DDX19A: variants seen among roughly 807,000 people sequenced by gnomAD.
The protein encoded by DDX19A is ATP-dependent RNA helicase DDX19A.
DDX19A carries 12 observed loss-of-function variants against 60.6 expected under a neutral mutation model. That is an observed-to-expected ratio of 0.20 (90% CI 0.13 to 0.32). DDX19A has a LOEUF of 0.32. Among genes scored for constraint, DDX19A ranks in the 10% least tolerant of loss-of-function variants. DDX19A has a pLI of 1.00. For synonymous variants in DDX19A, 206 were observed against 218.2 expected (o/e 0.94, Z 0.49); for missense variants, 337 against 600.6 (o/e 0.56, Z 4.59).
chr16:70,364,520 A>G lies in DDX19A; in HGVS notation c.387-23A>G, dbSNP rs1382201770. On this transcript the variant is annotated intron_variant, in intron 5 of 11. Transcript: ENST00000302243. The stretch of plus-strand genomic sequence containing the variant: ...ACTGAGTTTCACCAATTTAAGTTTC[A>G]TTTCTGTTCTTCCTTGATCCAGCCC... 3.8e-6 allele frequency: 6 copies of G among 1,569,670 alleles called. No homozygotes were observed. In the South Asian group the frequency reaches 5.6e-5, roughly 15 times the overall value.
At chr16:70,365,349 GCATGGCTCA>G (rs1399192233) in intron 7 of DDX19A, 2 of 377,826 alleles carry the variant, frequency 5.3e-6, no homozygotes, top group Non-Finnish European at 9.7e-6. Flanking sequence ...AAAAATCCAC[GCATGGCTCA>G]CAGAGTTCTT....
chr16:70,365,910 G>A lies in DDX19A; in HGVS notation c.605-175G>A, dbSNP rs931125924. 1.2e-5 allele frequency: 10 copies of A among 860,984 alleles called. No individual in the cohort carries two copies. The Admixed American group carries it at 1.3e-4, about 12-fold the overall frequency. 53.3% of individuals were successfully genotyped at this position (860,984 alleles called of 1,614,324 possible). ...TCCTGACCACAGTGCACTGAGATAG[G>A]TGTCATTCTGCCCACTTCACAGCAG... On this transcript the variant is annotated intron_variant, in intron 7 of 11. Coordinates refer to ENST00000302243, the MANE Select transcript of DDX19A (RefSeq NM_018332.5).
intron 4 of DDX19A, 32 bp from the exon 5 acceptor site, chr16:70,361,386 G>A: frequency 1.3e-6 from 2 of 1,492,518 alleles, no homozygotes; most frequent in Non-Finnish European, 1.9e-6. Context: ...CTAACTTCTA[G>A]GCATCCATCC....
At chr16:70,364,511 T>G in intron 5 of DDX19A, 32 bp from the exon 6 acceptor site, 1 of 1,518,774 alleles carries the variant, frequency 6.6e-7, no homozygotes, top group East Asian at 2.3e-5. Flanking sequence ...TTTCACCAAT[T>G]TAAGTTTCAT....
chr16:70,351,118 G>C (rs907458545), intron 2 of DDX19A, among the ~76,000 whole-genome samples: 8 of 151,200 alleles, frequency 5.3e-5, no homozygotes, highest in African/African-American at 1.7e-4. Context: ...TCCTGTCCTC[G>C]TGATCCACCC....
chr16:70,357,287 A>ATG (rs1964229716), intron 4 of DDX19A, among the ~76,000 whole-genome samples: 1 of 127,792 alleles, frequency 7.8e-6, no homozygotes, highest in South Asian at 2.5e-4. Flanking sequence ...ATATATATAT[A>ATG]TGTATATTTA....
intron 1 of DDX19A, among the ~76,000 whole-genome samples, chr16:70,349,991 G>A (rs1307675883): frequency 1.3e-5 from 2 of 152,090 alleles, no homozygotes; most frequent in Admixed American, 6.6e-5. Flanking sequence ...CTAGTGTAGA[G>A]ATAACCAATG....
At chr16:70,353,114 A>AT (rs1251726725) in intron 2 of DDX19A, among the ~76,000 whole-genome samples, 1 of 147,632 alleles carries the variant, frequency 6.8e-6, no homozygotes, top group African/African-American at 2.6e-5. Context: ...TGCATTTGCG[A>AT]TTTTTTCTTT....
intron 9 of DDX19A, among the ~76,000 whole-genome samples, chr16:70,368,583 C>CT (rs1179369230): frequency 0.054 from 7,679 of 140,938 alleles, 586 homozygotes; most frequent in African/African-American, 0.18. Context: ...AAAAAATACT[C>CT]TTTTTTTTTT....
At chr16:70,361,910 C>T (rs917081869) in intron 5 of DDX19A, among the ~76,000 whole-genome samples, 2 of 151,986 alleles carry the variant, frequency 1.3e-5, no homozygotes, top group Admixed American at 6.6e-5. Context: ...GTGGCCCAAA[C>T]CTGTAATCCT....
rs1963981964 is a variant in DDX19A at position 70,350,622 on chromosome 16, T to C, written c.106+17T>C. The C allele has an allele frequency of 6.2e-6, 10 of 1,601,964 alleles. No individual in the cohort carries two copies. Among genetic ancestry groups the C allele is most frequent in the Non-Finnish European group, 8.5e-6 (10 of 1,171,866 alleles). On this transcript the variant is annotated intron_variant, in intron 2 of 11. Coordinates refer to ENST00000302243, the MANE Select transcript of DDX19A (RefSeq NM_018332.5). ...ATACCAATGGTGAGTCACTAGTAAC[T>C]ACAAGCTAGAAAAGAGTTCCATGTG...
At chr16:70,368,749 C>T (rs1021161980) in intron 9 of DDX19A, among the ~76,000 whole-genome samples, 2 of 152,128 alleles carry the variant, frequency 1.3e-5, no homozygotes, top group Non-Finnish European at 2.9e-5. Flanking sequence ...ATCCAAGAGC[C>T]AGTCAAGTTT....
chr16:70,367,277 A>C (rs937496693), intron 9 of DDX19A, among the ~76,000 whole-genome samples: 1 of 152,032 alleles, frequency 6.6e-6, no homozygotes, highest in Non-Finnish European at 1.5e-5. Flanking sequence ...AAGTACAAAA[A>C]ATTAGCGCGG....
intron 4 of DDX19A, among the ~76,000 whole-genome samples, chr16:70,358,440 G>C (rs1366069786): frequency 6.6e-6 from 1 of 151,582 alleles, no homozygotes; most frequent in Non-Finnish European, 1.5e-5. Flanking sequence ...AAATTGCTAG[G>C]ATTACAGGTG....
chr16:70,365,533 TC>T (rs1964494563), intron 7 of DDX19A: 1 of 189,520 alleles, frequency 5.3e-6, no homozygotes, highest in Non-Finnish European at 1.1e-5. Flanking sequence ...ACACCTGCAA[TC>T]CCAGCCCTTT....
chr16:70,353,666 T>G (rs1236988374), intron 2 of DDX19A, among the ~76,000 whole-genome samples: 3 of 147,642 alleles, frequency 2.0e-5, no homozygotes, highest in African/African-American at 7.3e-5. Flanking sequence ...TTTGGGAGGC[T>G]GAGGCGGGTG....
At chr16:70,371,200 C>T (rs1056707659) in intron 10 of DDX19A, 172 bp from the exon 11 acceptor site, 231 of 1,146,798 alleles carry the variant, frequency 2.0e-4, no homozygotes, top group Non-Finnish European at 2.3e-5. Flanking sequence ...TCTTCTTTTC[C>T]TCTGGGTTCT....
chr16:70,369,498 C>G (rs950591010), intron 9 of DDX19A, among the ~76,000 whole-genome samples: 7 of 151,916 alleles, frequency 4.6e-5, no homozygotes, highest in African/African-American at 1.7e-4. Flanking sequence ...TCTTTTACTC[C>G]TAGGCTCAAG....
rs775262145 is a variant in DDX19A at position 70,366,158 on chromosome 16, G to A, written c.678G>A (p.Lys226=). Residue 226 remains lysine (K), a synonymous_variant, in exon 8 of 12, where the codon AAG becomes AAA. Transcript: ENST00000302243. ...TPGTVLDWCS[K]LKFIDPKKIK... ...GGACCGTGCTGGACTGGTGCTCCAAGCTCAAGTTCATTGATCCCAAGAAAA... is the reference window on the plus strand; with the variant it reads ...GGACCGTGCTGGACTGGTGCTCCAAACTCAAGTTCATTGATCCCAAGAAAA... 8.2e-5 allele frequency: 133 copies of A among 1,614,034 alleles called. No homozygotes were observed. The highest frequency in any genetic ancestry group is 1.0e-4 in the Non-Finnish European group (123 of 1,180,032).
Sources: allele counts gnomAD v4.1 joint callset (sites outside exome capture counted in the v4.1 genomes callset), GRCh38; gene constraint gnomAD v4.1.1; transcripts MANE v1.5; gene names NCBI Gene and HGNC (gene_info 2026-07-23, HGNC 2026-07-21).